NSG2: variants seen among roughly 807,000 people sequenced by gnomAD.
The protein encoded by NSG2 is neuronal vesicle trafficking associated 2, also known as neuronal vesicle trafficking-associated protein 2.
NSG2 carries 4 observed loss-of-function variants against 16.9 expected under a neutral mutation model. The observed-to-expected ratio is 0.24, with a 90% CI of 0.12 to 0.54. NSG2 has a LOEUF of 0.54. NSG2 is among the 20% of genes least tolerant of loss of function. The probability of loss-of-function intolerance (pLI) is 0.95; values close to 1 mark genes in which losing one functional copy is unlikely to be tolerated. For missense variants in NSG2, 179 were observed against 221.1 expected, an observed-to-expected ratio of 0.81 and a Z score of 1.21; for synonymous variants, 98 against 88.7, an observed-to-expected ratio of 1.11 and a Z score of -0.59.
chr5:174,105,761 G>A (rs934011429), intron 4 of NSG2, among the ~76,000 whole-genome samples: 4 of 152,198 alleles, frequency 2.6e-5, no homozygotes, highest in African/African-American at 7.2e-5. Flanking sequence ...TTAGCCAGGC[G>A]TGGTGGCTCA....
At chr5:174,092,999 T>A (rs1760743670) in intron 3 of NSG2, among the ~76,000 whole-genome samples, 4 of 152,242 alleles carry the variant, frequency 2.6e-5, no homozygotes, top group Non-Finnish European at 1.5e-5. Context: ...ATTGTTCTTA[T>A]AATAATGGTG....
intron 2 of NSG2, among the ~76,000 whole-genome samples, chr5:174,050,606 G>A (rs1198114867): frequency 6.6e-6 from 1 of 151,852 alleles, no homozygotes; most frequent in Non-Finnish European, 1.5e-5. Context: ...TTTCTGCATT[G>A]CACTGCCTTC....
intron 2 of NSG2, among the ~76,000 whole-genome samples, chr5:174,060,087 C>G (rs1473518798): frequency 6.6e-6 from 1 of 152,162 alleles, no homozygotes; most frequent in Non-Finnish European, 1.5e-5. Context: ...AAAGGAATAT[C>G]ATAGCGCTTT....
chr5:174,056,851 T>A (rs1448225667), intron 2 of NSG2, among the ~76,000 whole-genome samples: 3 of 152,198 alleles, frequency 2.0e-5, no homozygotes, highest in Non-Finnish European at 4.4e-5. Flanking sequence ...TCCTGGGAAG[T>A]AGTATTTTAA....
At chr5:174,070,777 ACTGTCCT>A (rs1581224920) in intron 3 of NSG2, among the ~76,000 whole-genome samples, 1 of 151,862 alleles carries the variant, frequency 6.6e-6, no homozygotes, top group East Asian at 1.9e-4. Flanking sequence ...CTCCTTTCCC[ACTGTCCT>A]CTGCCTGGCC....
intron 2 of NSG2, among the ~76,000 whole-genome samples, chr5:174,062,214 G>A (rs751554908): frequency 6.6e-6 from 1 of 152,064 alleles, no homozygotes; most frequent in Non-Finnish European, 1.5e-5. Context: ...GACACAGAAG[G>A]CATCATCAAC....
chr5:174,090,726 A>G (rs182120904), intron 3 of NSG2, among the ~76,000 whole-genome samples: 33 of 152,314 alleles, frequency 2.2e-4, no homozygotes, highest in Non-Finnish European at 2.9e-5. Context: ...GAGGTAGAAG[A>G]CAGGGTAGAG....
intron 2 of NSG2, among the ~76,000 whole-genome samples, chr5:174,058,560 G>A (rs1473902124): frequency 1.3e-5 from 2 of 152,286 alleles, no homozygotes; most frequent in East Asian, 3.9e-4. Flanking sequence ...AACACTGAGA[G>A]ATCAGAAAGA....
chr5:174,069,778 AG>A (rs1299507903), intron 3 of NSG2, among the ~76,000 whole-genome samples: 1 of 151,834 alleles, frequency 6.6e-6, no homozygotes, highest in Non-Finnish European at 1.5e-5. Flanking sequence ...GAACATTTCA[AG>A]GGGTAGCCAG....
chr5:174,067,691 G>T (rs780227922), intron 3 of NSG2, among the ~76,000 whole-genome samples: 2 of 152,250 alleles, frequency 1.3e-5, no homozygotes, highest in Non-Finnish European at 2.9e-5. Flanking sequence ...GGATGCACCT[G>T]CAGGTGCAGA....
chr5:174,106,258 T>C (rs1190811832), intron 4 of NSG2, among the ~76,000 whole-genome samples: 1 of 152,214 alleles, frequency 6.6e-6, no homozygotes, highest in Admixed American at 6.5e-5. Flanking sequence ...AATATGTAAA[T>C]GTTTGACATA....
intron 2 of NSG2, among the ~76,000 whole-genome samples, chr5:174,051,651 A>G (rs974625813): frequency 6.6e-6 from 1 of 152,228 alleles, no homozygotes; most frequent in African/African-American, 2.4e-5. Context: ...GGCCATAGGT[A>G]CACAGCAATG....
intron 3 of NSG2, among the ~76,000 whole-genome samples, chr5:174,067,442 G>A (rs1330974965): frequency 1.3e-5 from 2 of 152,172 alleles, no homozygotes; most frequent in Non-Finnish European, 2.9e-5. Flanking sequence ...ACCAGGGCCT[G>A]TAGAAGTTCT....
At chr5:174,071,925 C>G (rs1044133177) in intron 3 of NSG2, among the ~76,000 whole-genome samples, 2 of 152,150 alleles carry the variant, frequency 1.3e-5, no homozygotes, top group Non-Finnish European at 2.9e-5. Flanking sequence ...GCTCCTTCTC[C>G]TTTCCTTTTA....
chr5:174,069,897 A>ATTTC (rs1760205949), intron 3 of NSG2, among the ~76,000 whole-genome samples: 1 of 102,356 alleles, frequency 9.8e-6, no homozygotes, highest in African/African-American at 4.5e-5. Flanking sequence ...TTTTTTTTTG[A>ATTTC]GACAAGGTCT....
intron 3 of NSG2, among the ~76,000 whole-genome samples, chr5:174,076,177 A>C (rs1316252654): frequency 6.6e-6 from 1 of 152,212 alleles, no homozygotes; most frequent in Non-Finnish European, 1.5e-5. Context: ...TGAGAGAGCC[A>C]TTGTGATGAT....
intron 3 of NSG2, among the ~76,000 whole-genome samples, chr5:174,092,962 A>C (rs1003878621): frequency 6.6e-6 from 1 of 152,206 alleles, no homozygotes; most frequent in African/African-American, 2.4e-5. Flanking sequence ...GGATTGTAAT[A>C]AGTGTTTTTC....
intron 3 of NSG2, among the ~76,000 whole-genome samples, chr5:174,075,216 G>A (rs1458267295): frequency 2.0e-5 from 3 of 151,994 alleles, no homozygotes; most frequent in Non-Finnish European, 4.4e-5. Context: ...TTAATATACG[G>A]ATGAGAAAGC....
intron 2 of NSG2, among the ~76,000 whole-genome samples, chr5:174,055,557 G>A (rs970802042): frequency 1.3e-5 from 2 of 152,002 alleles, no homozygotes; most frequent in Non-Finnish European, 1.5e-5. Flanking sequence ...AAGATATCAC[G>A]CCACCGCACT....
Sources: gnomAD v4.1 joint callset for allele counts (sites outside exome capture counted in the v4.1 genomes callset) on GRCh38, gnomAD v4.1.1 for gene constraint, MANE v1.5 for transcripts, NCBI Gene and HGNC (gene_info 2026-07-23, HGNC 2026-07-21) for gene names.